VHL: variants seen among roughly 807,000 people sequenced by gnomAD.
VHL encodes von Hippel-Lindau disease tumor suppressor.
A neutral mutation model predicts 19.2 loss-of-function variants in VHL; 10 were observed. That is an observed-to-expected ratio of 0.52 (90% confidence interval 0.32 to 0.89). The LOEUF (loss-of-function observed/expected upper bound fraction) is 0.89, where lower values mean the gene tolerates loss of function less well. Ranked by LOEUF, VHL falls within the 40% of genes least tolerant of loss-of-function variation. The pLI is 0.03. For synonymous variants in VHL, 167 were observed against 129.5 expected, an observed-to-expected ratio of 1.29 and a Z score of -1.97; for missense variants, 328 against 292.7, an observed-to-expected ratio of 1.12 and a Z score of -0.88.
Position 10,146,615 on chromosome 3 carries a change from T to G in VHL, c.442T>G (p.Phe148Val). ...PSLNVDGQPI[F>V]ANITLPVYTL... ...TCTCAATGTTGACGGACAGCCTATT[T>G]TTGCCAATATCACACTGCCAGGTAC... The change falls in exon 2 of 3, where the codon TTT becomes GTT. Residue 148 changes from phenylalanine to valine, a missense_variant. Transcript: ENST00000256474. 1 of 1,613,962 alleles carries G rather than the reference T, an allele frequency of 6.2e-7. No homozygotes were observed. The highest frequency in any genetic ancestry group is 8.5e-7 in the Non-Finnish European group (1 of 1,179,878).
At chr3:10,144,514 T>TTTTTTTTTTA (rs1696206765) in intron 1 of VHL, among the ~76,000 whole-genome samples, 1 of 148,680 alleles carries the variant, frequency 6.7e-6, no homozygotes, top group Non-Finnish European at 1.5e-5. Flanking sequence ...TTTTTTTTTT[T>TTTTTTTTTTA]GAGACAGGAT....
Position 10,141,844 on chromosome 3 carries a change from G to T in VHL, c.-4G>T, listed in dbSNP as rs1388409707. On this transcript the variant is annotated 5_prime_UTR_variant, in exon 1 of 3. The change creates a new upstream start codon in the 5' untranslated region. Coordinates refer to ENST00000256474, the MANE Select transcript of VHL (RefSeq NM_000551.4). ...CGGCCCGGGTGGTCTGGATCGCGGAGGGAATGCCCCGGAGGGCGGAGAACT... is the reference window on the plus strand; with the variant it reads ...CGGCCCGGGTGGTCTGGATCGCGGATGGAATGCCCCGGAGGGCGGAGAACT... 2.0e-6 allele frequency: 3 copies of T among 1,535,636 alleles called. No homozygotes were observed. Among genetic ancestry groups the T allele is most frequent in the African/African-American group, 1.4e-5 (1 of 72,392 alleles).
At position 10,141,937 on chromosome 3, in the gene VHL, G is replaced by A. The variant is rs391818; in HGVS notation, c.90G>A (p.Gly30=). Residue 30 remains glycine (G), a synonymous_variant, in exon 1 of 3, where the codon GGG becomes GGA. Transcript: ENST00000256474. ...VEEYGPEEDG[G]EESGAEESGP... is the part of the protein sequence containing the mutation. ...AGTACGGCCCTGAAGAAGACGGCGG[G>A]GAGGAGTCGGGCGCCGAGGAGTCCG... 1 of 1,540,718 alleles carries A rather than the reference G, an allele frequency of 6.5e-7. No individual in the cohort carries two copies. Among genetic ancestry groups the A allele is most frequent in the Non-Finnish European group, 8.8e-7 (1 of 1,141,812 alleles).
intron 1 of VHL, among the ~76,000 whole-genome samples, chr3:10,145,427 C>T (rs748743534): frequency 5.9e-5 from 9 of 151,822 alleles, no homozygotes; most frequent in Admixed American, 2.0e-4. Context: ...AATTCTGGGC[C>T]AGGCGCAGTG....
chr3:10,147,229 C>T, intron 2 of VHL, among the ~76,000 whole-genome samples: 1 of 152,034 alleles, frequency 6.6e-6, no homozygotes, highest in South Asian at 2.1e-4. Flanking sequence ...CCAGGATGGT[C>T]TCCATCTCCT....
In VHL at chr3:10,150,420, C is replaced by T. The variant is rs1363490506; in HGVS notation, c.*455C>T. 1 of 1,133,118 alleles carries T rather than the reference C, an allele frequency of 8.8e-7. No individual in the cohort carries two copies. Among genetic ancestry groups the T allele is most frequent in the East Asian group, 4.0e-5 (1 of 25,104 alleles). The allele number at this position is 1,133,118 out of a possible 1,614,324, so 70.2% of individuals were successfully genotyped here. A position where few individuals can be genotyped will look rare whatever the true frequency, so the allele number is the denominator to read the frequency against. On this transcript the variant is annotated 3_prime_UTR_variant, in exon 3 of 3. Transcript: ENST00000256474. ...GACTGAGGCATCCGTGAGGCAGGGA[C>T]AAGTCTTTCTCCTCTTTGAGACCCC...
chr3:10,146,697 T>C (rs1160735357), intron 2 of VHL, 61 bp downstream of exon 2: 1 of 1,605,758 alleles, frequency 6.2e-7, no homozygotes, highest in South Asian at 1.1e-5. Flanking sequence ...GATAGACCAC[T>C]TGAAAAATTA....
chr3:10,148,422 C>T (rs1303779222), intron 2 of VHL, among the ~76,000 whole-genome samples: 3 of 145,626 alleles, frequency 2.1e-5, no homozygotes, highest in African/African-American at 7.6e-5. Flanking sequence ...TCACGCCATT[C>T]TCCTGCCTCA....
chr3:10,146,389 C>T (rs1340277833), intron 1 of VHL, 125 bp from the exon 2 acceptor site: 30 of 1,283,920 alleles, frequency 2.3e-5, no homozygotes, highest in Admixed American at 1.6e-4. Context: ...TTAGCCAGGA[C>T]GGTCTTGATC....
In VHL at chr3:10,151,159, T is replaced by C. The variant is rs562154392; in HGVS notation, c.*1194T>C. The C allele has an allele frequency of 2.1e-5, 4 of 192,282 alleles. No individual in the cohort carries two copies. Among genetic ancestry groups the C allele is most frequent in the African/African-American group, 6.9e-5 (3 of 43,226 alleles). The allele number at this position is 192,282 out of a possible 1,614,324, so 11.9% of individuals were successfully genotyped here. A position where few individuals can be genotyped will look rare whatever the true frequency, so the allele number is the denominator to read the frequency against. On this transcript the variant is annotated 3_prime_UTR_variant, in exon 3 of 3. Coordinates refer to ENST00000256474, the MANE Select transcript of VHL (RefSeq NM_000551.4). Reference sequence around the variant, plus strand: ...CCTCCCAAAATGGTGGGATTACAGGTGTGTGGGCCACCGTGCCTGGCTGAT... The same window carrying C: ...CCTCCCAAAATGGTGGGATTACAGGCGTGTGGGCCACCGTGCCTGGCTGAT...
chr3:10,150,486 AG>A lies in VHL; in HGVS notation c.*523del, dbSNP rs546118793. On this transcript the variant is annotated 3_prime_UTR_variant, in exon 3 of 3. Coordinates refer to ENST00000256474, the MANE Select transcript of VHL (RefSeq NM_000551.4). ...TGAGCCTTCAGTCAGGGTTTGTCAG[AG>A]GAACAAACCAGGGGACACTTTGTTA... The A allele has an allele frequency of 2.0e-4, 108 of 530,088 alleles. 1 individual carries two copies. The South Asian group carries it at 5.4e-3, about 26-fold the overall frequency. 32.8% of individuals were successfully genotyped at this position (530,088 alleles called of 1,614,324 possible).
intron 2 of VHL, among the ~76,000 whole-genome samples, chr3:10,146,892 GT>G (rs1171872370): frequency 5.3e-5 from 8 of 152,164 alleles, no homozygotes; most frequent in Non-Finnish European, 1.0e-4. Context: ...TCATAGGTTA[GT>G]TTTGTAGAAT....
intron 2 of VHL, among the ~76,000 whole-genome samples, chr3:10,148,103 GA>G (rs142265244): frequency 0.075 from 10,870 of 144,270 alleles, 963 homozygotes; most frequent in African/African-American, 0.22. Context: ...CTCAAAAAAA[GA>G]AAAAAAAAAC....
chr3:10,151,811 T>C lies in VHL; in HGVS notation c.*1846T>C. 5.0e-6 allele frequency: 1 copy of C among 200,110 alleles called. No homozygotes were observed. 12.4% of individuals were successfully genotyped at this position (200,110 alleles called of 1,614,324 possible). Reference sequence around the variant, plus strand: ...CTGGCATGGTGGCTCCCGCCTGTAATCCCAGTACTTTGGAAAGCCAAGGTA... The same window carrying C: ...CTGGCATGGTGGCTCCCGCCTGTAACCCCAGTACTTTGGAAAGCCAAGGTA... On this transcript the variant is annotated 3_prime_UTR_variant, in exon 3 of 3. Transcript: ENST00000256474.
chr3:10,148,805 G>C (rs1037270232), intron 2 of VHL, among the ~76,000 whole-genome samples: 1 of 151,050 alleles, frequency 6.6e-6, no homozygotes, highest in Non-Finnish European at 1.5e-5. Context: ...TTCAGCAGCT[G>C]GGACTACAGG....
At chr3:10,143,883 G>A (rs1323493846) in intron 1 of VHL, among the ~76,000 whole-genome samples, 2 of 152,194 alleles carry the variant, frequency 1.3e-5, no homozygotes, top group Non-Finnish European at 2.9e-5. Context: ...GAAAACCCAG[G>A]TGAGGAATAA....
At position 10,149,954 on chromosome 3, in the gene VHL, A is replaced by C. The variant is rs200019083; in HGVS notation, c.631A>C (p.Met211Leu). ...LTQERIAHQRMGD is the reference protein window; with the variant it reads ...LTQERIAHQRLGD ...ACAGGAGCGCATTGCACATCAACGG[A>C]TGGGAGATTGAAGATTTCTGTTGAA... Residue 211 changes from methionine (M) to leucine (L), a missense_variant, in exon 3 of 3, where the codon ATG becomes CTG. By Grantham distance (15) the Met-to-Leu change is conservative. Coordinates refer to ENST00000256474, the MANE Select transcript of VHL (RefSeq NM_000551.4). The C allele has an allele frequency of 3.5e-5, 56 of 1,613,786 alleles. 1 individual carries two copies. The Middle Eastern group carries it at 8.2e-4, about 24-fold the overall frequency.
At chr3:10,145,603 G>T (rs1388575072) in intron 1 of VHL, among the ~76,000 whole-genome samples, 1 of 151,836 alleles carries the variant, frequency 6.6e-6, no homozygotes, top group African/African-American at 2.4e-5. Flanking sequence ...CTATTTGGGA[G>T]GCTGTGGCAG....
intron 1 of VHL, 32 bp downstream of exon 1, chr3:10,142,219 A>G (rs908690401): frequency 5.7e-6 from 9 of 1,586,426 alleles, no homozygotes; most frequent in African/African-American, 1.3e-5. Context: ...CCGACCCAGC[A>G]GGGACGATAG....
Sources: gnomAD v4.1 joint callset for allele counts (sites outside exome capture counted in the v4.1 genomes callset) on GRCh38, gnomAD v4.1.1 for gene constraint, MANE v1.5 for transcripts, NCBI Gene and HGNC (gene_info 2026-07-23, HGNC 2026-07-21) for gene names.